Variants in DMD observed in about 807,000 individuals in gnomAD.
DMD encodes mutant dystrophin.
Under a neutral mutation model 330.1 loss-of-function variants are expected in DMD, and 63 were observed. That is an observed-to-expected ratio of 0.19 (90% CI 0.16 to 0.24). DMD has a LOEUF of 0.24. Ranked by LOEUF, DMD falls within the 10% of genes least tolerant of loss-of-function variation. DMD has a pLI of 1.00. For synonymous variants in DMD, 1,223 were observed against 959.8 expected, an observed-to-expected ratio of 1.27 and a Z score of -5.07; for missense variants, 3,344 against 2,684.1, an observed-to-expected ratio of 1.25 and a Z score of -5.43.
chrX:32,803,110 G>A (rs1355087027), intron 7 of DMD, among the ~76,000 whole-genome samples: 2 of 111,416 alleles, frequency 1.8e-5, no homozygotes, highest in Non-Finnish European at 3.8e-5. Flanking sequence ...GCTTTTTTTG[G>A]TTTGTAGGCT....
intron 13 of DMD, among the ~76,000 whole-genome samples, chrX:32,581,988 A>C (rs927766582): frequency 2.7e-5 from 3 of 111,948 alleles, no homozygotes; most frequent in Non-Finnish European, 5.6e-5. Flanking sequence ...ATATGATAAA[A>C]TTTGGCATCC....
At chrX:33,238,623 C>A (rs2052528888) in intron 1 of DMD, among the ~76,000 whole-genome samples, 1 of 111,058 alleles carries the variant, frequency 9.0e-6, no homozygotes, top group African/African-American at 3.3e-5. Flanking sequence ...ATTGAATAAA[C>A]CATTAACACA....
At chrX:31,394,592 C>T (rs916727810) in intron 60 of DMD, among the ~76,000 whole-genome samples, 2 of 110,616 alleles carry the variant, frequency 1.8e-5, no homozygotes, top group East Asian at 2.8e-4. Context: ...TCAGGAGTTT[C>T]GGAACAGCCT....
At chrX:32,542,882 G>A (rs1031668237) in intron 17 of DMD, among the ~76,000 whole-genome samples, 3 of 111,905 alleles carry the variant, frequency 2.7e-5, no homozygotes, top group Non-Finnish European at 5.6e-5. Context: ...GAGAGTGAAA[G>A]TTGATGCTAT....
intron 43 of DMD, among the ~76,000 whole-genome samples, chrX:32,286,559 AG>A (rs2097442556): frequency 1.8e-5 from 2 of 111,886 alleles, no homozygotes; most frequent in African/African-American, 6.5e-5. Flanking sequence ...TTAAGGAGTC[AG>A]GGTTTCATTC....
chrX:31,610,028 C>CCTCTCTCT (rs983869627), intron 55 of DMD, among the ~76,000 whole-genome samples: 3 of 109,858 alleles, frequency 2.7e-5, no homozygotes, highest in Non-Finnish European at 5.7e-5. Context: ...CCACTCCATT[C>CCTCTCTCT]CTCTCTCTCT....
Position 33,181,910 on chromosome X carries a change from C to T in DMD, c.31+29372G>A, listed in dbSNP as rs371929730. Among the ~76,000 whole-genome samples the T allele has an allele frequency of 3.5e-4, 39 of 112,154 alleles. 1 individual carries two copies. The South Asian group carries it at 5.2e-3, about 15-fold the overall frequency. On this transcript the variant is annotated intron_variant, in intron 1 of 78. Coordinates refer to ENST00000357033, the MANE Select transcript of DMD (RefSeq NM_004006.3). ...GCTTTCCACACTTTCTCACACATTG[C>T]CTGTTATTTCTGGTCAGGAAAATAA... is the stretch of plus-strand genomic sequence containing the variant.
At chrX:33,039,093 G>A (rs763459467) in intron 1 of DMD, among the ~76,000 whole-genome samples, 1 of 111,975 alleles carries the variant, frequency 8.9e-6, no homozygotes, top group Non-Finnish European at 1.9e-5. Flanking sequence ...GACACCCGTA[G>A]CCTATGGGGG....
At chrX:32,509,062 G>T (rs1445859784) in intron 18 of DMD, among the ~76,000 whole-genome samples, 1 of 109,376 alleles carries the variant, frequency 9.1e-6, no homozygotes, top group Non-Finnish European at 1.9e-5. Context: ...CACCCGCCTC[G>T]ACCTCCCAAA....
At chrX:32,802,356 C>T (rs1158112651) in intron 7 of DMD, among the ~76,000 whole-genome samples, 2 of 111,739 alleles carry the variant, frequency 1.8e-5, no homozygotes, top group Non-Finnish European at 3.8e-5. Flanking sequence ...GATTTTGTAT[C>T]CTGAGACTTT....
intron 60 of DMD, among the ~76,000 whole-genome samples, chrX:31,389,939 A>G (rs2060618375): frequency 8.9e-6 from 1 of 111,937 alleles, no homozygotes; most frequent in African/African-American, 3.2e-5. Flanking sequence ...GCCATTCTAG[A>G]GCAAGCCCTC....
chrX:31,612,780 TA>T (rs2077995229), intron 55 of DMD, among the ~76,000 whole-genome samples: 1 of 112,500 alleles, frequency 8.9e-6, no homozygotes, highest in Middle Eastern at 4.2e-3. Context: ...TCTATGTTGC[TA>T]TTCGAGAGGT....
chrX:33,159,861 C>T (rs1298882887), intron 1 of DMD, among the ~76,000 whole-genome samples: 1 of 110,842 alleles, frequency 9.0e-6, no homozygotes, highest in East Asian at 2.8e-4. Flanking sequence ...GAATTGCATA[C>T]CTCAATTTTT....
intron 37 of DMD, among the ~76,000 whole-genome samples, chrX:32,348,855 T>A (rs2097772522): frequency 8.9e-6 from 1 of 111,741 alleles, no homozygotes; most frequent in African/African-American, 3.2e-5. Flanking sequence ...TTATTTTAAA[T>A]ATTCTGATAT....
chrX:33,227,048 A>T (rs954076884), intron 1 of DMD, among the ~76,000 whole-genome samples: 5 of 109,977 alleles, frequency 4.5e-5, no homozygotes, highest in African/African-American at 1.6e-4. Context: ...GAAAATTTTA[A>T]ATATGCAAAT....
intron 17 of DMD, among the ~76,000 whole-genome samples, chrX:32,530,069 A>C (rs1438263717): frequency 2.7e-5 from 3 of 112,071 alleles, no homozygotes; most frequent in Non-Finnish European, 5.6e-5. Context: ...TGTGGCGTTT[A>C]CCTTGTCCTA....
chrX:33,023,474 G>A (rs2093950370), intron 1 of DMD, among the ~76,000 whole-genome samples: 1 of 111,840 alleles, frequency 8.9e-6, no homozygotes, highest in Non-Finnish European at 1.9e-5. Context: ...CCGCAGGTAT[G>A]TCATTCATAG....
chrX:32,424,211 T>C (rs1325960833), intron 29 of DMD, among the ~76,000 whole-genome samples: 1 of 109,966 alleles, frequency 9.1e-6, no homozygotes, highest in Non-Finnish European at 1.9e-5. Flanking sequence ...GCAATTTTTA[T>C]ATAAAGACAA....
intron 1 of DMD, among the ~76,000 whole-genome samples, chrX:33,056,328 C>A (rs868865182): frequency 4.9e-5 from 5 of 101,305 alleles, no homozygotes; most frequent in Non-Finnish European, 8.1e-5. Context: ...AATTATCTGA[C>A]CCCTGCGCTC....
Sources: allele counts gnomAD v4.1 joint callset (sites outside exome capture counted in the v4.1 genomes callset), GRCh38; gene constraint gnomAD v4.1.1; transcripts MANE v1.5; gene names NCBI Gene and HGNC (gene_info 2026-07-23, HGNC 2026-07-21).